ANO3: variants seen among roughly 807,000 people sequenced by gnomAD.
ANO3 encodes anoctamin 3.
ANO3 carries 99 observed loss-of-function variants against 144.8 expected under a neutral mutation model. The ratio of observed to expected loss-of-function variants is 0.68; its 90% CI spans 0.58 to 0.81. ANO3 has a LOEUF of 0.81. ANO3 is among the 30% of genes least tolerant of loss of function. The pLI is 0.00. For missense variants in ANO3, 905 were observed against 1,202.2 expected, an observed-to-expected ratio of 0.75 and a Z score of 3.66; for synonymous variants, 414 against 392.6, an observed-to-expected ratio of 1.05 and a Z score of -0.64.
Position 26,275,236 on chromosome 11 carries a change from G to A in ANO3, c.155-34409G>A, listed in dbSNP as rs543234393. Among the ~76,000 whole-genome samples the A allele has an allele frequency of 2.0e-5, 3 of 152,160 alleles. No individual in the cohort carries two copies. In the East Asian group the frequency reaches 5.8e-4, roughly 29 times the overall value. On this transcript the variant is annotated intron_variant, in intron 1 of 27. Transcript: ENST00000672621. Reference sequence around the variant, plus strand: ...ATATTTAGATTCATGCTGCTAAAATGAAATACAATTTACTGAAAAATGTTT... The same window carrying A: ...ATATTTAGATTCATGCTGCTAAAATAAAATACAATTTACTGAAAAATGTTT...
At chr11:26,443,537 G>T (rs1006409363) in intron 2 of ANO3, among the ~76,000 whole-genome samples, 16 of 152,166 alleles carry the variant, frequency 1.1e-4, no homozygotes, top group Admixed American at 1.0e-3. Context: ...GGGAGGCGGA[G>T]GTTGCAGTGA....
Position 26,660,443 on chromosome 11 carries a change from A to C in ANO3, c.2945A>C (p.Ter982SerextTer7), listed in dbSNP as rs1853844416. 6.2e-7 allele frequency: 1 copy of C among 1,610,804 alleles called. No homozygotes were observed. Among genetic ancestry groups the C allele is most frequent in the East Asian group, 2.2e-5 (1 of 44,832 alleles). ...CAGCCTGTTCACCATGAATGGCCTT[A>C]GTTGACACCTGTTACCCATTAGGGG... ...SGQPVHHEWP[*>S] The change falls in exon 27 of 27, where the codon TAG becomes TCG. Residue 982 changes from the stop codon to serine (S), a stop_lost. Coordinates refer to ENST00000256737, the MANE Select transcript of ANO3 (RefSeq NM_031418.4).
intron 17 of ANO3, among the ~76,000 whole-genome samples, chr11:26,621,576 ACT>A (rs1388614278): frequency 1.3e-5 from 2 of 151,262 alleles, no homozygotes; most frequent in South Asian, 2.1e-4. Flanking sequence ...GTCTACCAAA[ACT>A]CTCTATCCGC....
At chr11:26,285,692 A>T (rs1189748247) in intron 1 of ANO3, 4 of 152,200 alleles carry the variant, frequency 2.6e-5, no homozygotes, top group Non-Finnish European at 5.9e-5. Flanking sequence ...TAATCACTCA[A>T]CATCTAGAAT....
At chr11:26,263,514 T>C (rs1853241293) in intron 1 of ANO3, among the ~76,000 whole-genome samples, 1 of 152,244 alleles carries the variant, frequency 6.6e-6, no homozygotes, top group South Asian at 2.1e-4. Flanking sequence ...TATTCATCTC[T>C]GGGTAGCTTC....
intron 1 of ANO3, among the ~76,000 whole-genome samples, chr11:26,411,048 G>A (rs992256968): frequency 1.3e-5 from 2 of 152,018 alleles, no homozygotes; most frequent in African/African-American, 2.4e-5. Context: ...GTGGAGAAAA[G>A]AGAAACATTT....
At chr11:26,482,426 ATGTGTGTGTGTGTGTGTG>A (rs58664691) in intron 4 of ANO3, among the ~76,000 whole-genome samples, 49 of 141,114 alleles carry the variant, frequency 3.5e-4, no homozygotes, top group Middle Eastern at 7.0e-3. Context: ...ACACAGATAT[ATGTGTGTGTGTGTGTGTG>A]TGTGTGTGTG....
At chr11:26,653,499 A>C (rs547954119) in intron 24 of ANO3, among the ~76,000 whole-genome samples, 4 of 152,224 alleles carry the variant, frequency 2.6e-5, no homozygotes, top group Admixed American at 1.3e-4. Flanking sequence ...TTAAAACTTA[A>C]GTTCATTCAT....
At chr11:26,594,994 A>G (rs961657858) in intron 14 of ANO3, among the ~76,000 whole-genome samples, 13 of 152,116 alleles carry the variant, frequency 8.5e-5, no homozygotes, top group East Asian at 1.9e-4. Context: ...ATTGGTCCCA[A>G]TTCTCCAGAA....
chr11:26,384,199 C>T (rs1856663298), intron 1 of ANO3, among the ~76,000 whole-genome samples: 1 of 151,664 alleles, frequency 6.6e-6, no homozygotes, highest in Admixed American at 6.6e-5. Context: ...CGTGCCCAGC[C>T]CCACACATTG....
intron 1 of ANO3, among the ~76,000 whole-genome samples, chr11:26,252,230 G>A (rs1189533677): frequency 6.6e-6 from 1 of 152,144 alleles, no homozygotes; most frequent in Non-Finnish European, 1.5e-5. Flanking sequence ...AACTGACTTA[G>A]TCTGATTCTA....
chr11:26,343,328 G>C (rs919965001), intron 1 of ANO3, among the ~76,000 whole-genome samples: 1 of 151,946 alleles, frequency 6.6e-6, no homozygotes, highest in Non-Finnish European at 1.5e-5. Flanking sequence ...CCATATCTTG[G>C]CTATTCTAAA....
At chr11:26,445,965 G>T (rs983791482) in intron 3 of ANO3, among the ~76,000 whole-genome samples, 1 of 151,948 alleles carries the variant, frequency 6.6e-6, no homozygotes, top group African/African-American at 2.4e-5. Flanking sequence ...CCGAGTAGCT[G>T]GGACTACAGG....
At chr11:26,640,444 C>T (rs1306495121) in intron 21 of ANO3, among the ~76,000 whole-genome samples, 1 of 152,130 alleles carries the variant, frequency 6.6e-6, no homozygotes, top group Admixed American at 6.5e-5. Flanking sequence ...GGTGTTCCTT[C>T]CTATTCTTGG....
chr11:26,220,262 T>C (rs1852115547), intron 1 of ANO3, among the ~76,000 whole-genome samples: 1 of 152,208 alleles, frequency 6.6e-6, no homozygotes, highest in Admixed American at 6.5e-5. Flanking sequence ...CCTTAAGTCA[T>C]GGCTAAAAGA....
At chr11:26,253,334 T>C (rs373601460) in intron 1 of ANO3, among the ~76,000 whole-genome samples, 2 of 152,092 alleles carry the variant, frequency 1.3e-5, no homozygotes, top group East Asian at 1.9e-4. Context: ...TTATCACTTA[T>C]AAGTGGGAGC....
At chr11:26,527,013 G>A (rs1473364867) in intron 7 of ANO3, among the ~76,000 whole-genome samples, 1 of 150,696 alleles carries the variant, frequency 6.6e-6, no homozygotes, top group Non-Finnish European at 1.5e-5. Flanking sequence ...ATTTGCTTCA[G>A]TTTGCTACTA....
chr11:26,231,888 T>C (rs1423688300), intron 1 of ANO3, among the ~76,000 whole-genome samples: 2 of 152,220 alleles, frequency 1.3e-5, no homozygotes, highest in East Asian at 3.9e-4. Flanking sequence ...TTCTGCCATT[T>C]GCAAGGTATA....
chr11:26,199,598 T>C (rs1025665943), intron 1 of ANO3, among the ~76,000 whole-genome samples: 20 of 152,298 alleles, frequency 1.3e-4, no homozygotes, highest in African/African-American at 4.6e-4. Flanking sequence ...TTTTACACTC[T>C]GAGAAACTGG....
Sources: gnomAD v4.1 joint callset for allele counts (sites outside exome capture counted in the v4.1 genomes callset) on GRCh38, gnomAD v4.1.1 for gene constraint, MANE v1.5 for transcripts, NCBI Gene and HGNC (gene_info 2026-07-23, HGNC 2026-07-21) for gene names.